The following STMN2 variants were observed in gnomAD, a reference collection of about 807,000 sequenced individuals.
STMN2 encodes the protein stathmin 2, also known as stathmin-2.
A neutral mutation model predicts 24.1 loss-of-function variants in STMN2; 2 were observed. That is an observed-to-expected ratio of 0.08 (90% confidence interval 0.03 to 0.26). The LOEUF is 0.26. STMN2 is among the 10% of genes least tolerant of loss of function. STMN2 has a pLI of 1.00. For synonymous variants in STMN2, 83 were observed against 77.5 expected (o/e 1.07, Z -0.37); for missense variants, 114 against 213.6 (o/e 0.53, Z 2.91).
At position 79,631,706 on chromosome 8, in the gene STMN2, G is replaced by A. The variant is rs559359944; in HGVS notation, c.20-5096G>A. Among the ~76,000 whole-genome samples the A allele has an allele frequency of 3.9e-5, 6 of 152,202 alleles. No individual in the cohort carries two copies. In the South Asian group the frequency reaches 1.2e-3, roughly 32 times the overall value. On this transcript the variant is annotated intron_variant, in intron 1 of 4. Coordinates refer to ENST00000220876, the MANE Select transcript of STMN2 (RefSeq NM_007029.4). ...TTTTGTCTTTGAAGAAGATCACAGG[G>A]ATGGACCTCCCAAAAGGATTTTTAA...
intron 1 of STMN2, chr8:79,613,769 T>TGGGCCGGGCGCGGTGGCTCACGC (rs1809309598): frequency 1.0e-6 from 1 of 985,336 alleles, no homozygotes; most frequent in African/African-American, 1.7e-5. Flanking sequence ...GGTAAATTTG[T>TGGGCCGGGCGCGGTGGCTCACGC]CTCCAGTTGT....
At chr8:79,652,258 T>G (rs141139554) in intron 3 of STMN2, among the ~76,000 whole-genome samples, 161 of 152,364 alleles carry the variant, frequency 1.1e-3, no homozygotes, top group African/African-American at 3.5e-3. Context: ...TTCCTAATTC[T>G]TGGACACATT....
intron 3 of STMN2, among the ~76,000 whole-genome samples, chr8:79,645,859 A>G (rs1810206021): frequency 6.6e-6 from 1 of 152,160 alleles, no homozygotes; most frequent in Non-Finnish European, 1.5e-5. Flanking sequence ...TTAGTAAGTA[A>G]TTAGTATTTA....
At chr8:79,629,948 C>CG (rs1213604230) in intron 1 of STMN2, among the ~76,000 whole-genome samples, 1 of 152,126 alleles carries the variant, frequency 6.6e-6, no homozygotes, top group East Asian at 1.9e-4. Context: ...TACCAGCCTA[C>CG]GGAAGTAGAG....
rs183744797 is a variant in STMN2, at chr8:79,665,006, A to C, written c.*132A>C. 172 of 813,864 alleles carry C rather than the reference A, an allele frequency of 2.1e-4. 1 individual carries two copies. In the African/African-American group the frequency reaches 2.8e-3, roughly 13 times the overall value. The allele number at this position is 813,864 out of a possible 1,614,324, so 50.4% of individuals were successfully genotyped here. ...ACTCATTATAAAAAAAAAAAAACAAAAAAAATCAAAAATTAAAAAAAATCA... is the reference window on the plus strand; with the variant it reads ...ACTCATTATAAAAAAAAAAAAACAACAAAAATCAAAAATTAAAAAAAATCA... On this transcript the variant is annotated 3_prime_UTR_variant, in exon 5 of 5. Transcript: ENST00000220876.
At chr8:79,612,104 G>C (rs1479544489) in intron 1 of STMN2, among the ~76,000 whole-genome samples, 8 of 93,458 alleles carry the variant, frequency 8.6e-5, no homozygotes, top group Admixed American at 1.4e-4. Flanking sequence ...TCATTCGAAA[G>C]GGGGTCGGGT....
chr8:79,656,880 G>GTTTGTTTTTTTTT (rs1806384128), intron 4 of STMN2, among the ~76,000 whole-genome samples: 1 of 143,472 alleles, frequency 7.0e-6, no homozygotes, highest in Non-Finnish European at 1.6e-5. Flanking sequence ...TTTTTTGTTT[G>GTTTGTTTTTTTTT]TTTGTTTTTT....
chr8:79,658,559 G>C (rs1806428395), intron 4 of STMN2, among the ~76,000 whole-genome samples: 1 of 152,110 alleles, frequency 6.6e-6, no homozygotes, highest in Middle Eastern at 3.2e-3. Flanking sequence ...AATAATATCA[G>C]TAAAAGTAAA....
chr8:79,666,085 T>C lies in STMN2; in HGVS notation c.*1211T>C, dbSNP rs1272814301. The C allele has an allele frequency of 6.6e-6, 1 of 152,202 alleles. No homozygotes were observed. 9.4% of individuals were successfully genotyped at this position (152,202 alleles called of 1,614,324 possible). ...AGGTTGCTGCCTGCATATTTACTCT[T>C]CATTAGTGCTATTTTCCTGTATGTC... On this transcript the variant is annotated 3_prime_UTR_variant, in exon 5 of 5. Coordinates refer to ENST00000220876, the MANE Select transcript of STMN2 (RefSeq NM_007029.4).
At chr8:79,637,368 C>T (rs908021883) in intron 2 of STMN2, among the ~76,000 whole-genome samples, 2 of 152,076 alleles carry the variant, frequency 1.3e-5, no homozygotes, top group Non-Finnish European at 2.9e-5. Flanking sequence ...ATAATTGGCT[C>T]AATAAATAAA....
chr8:79,653,141 GC>G (rs1810371396), intron 3 of STMN2, among the ~76,000 whole-genome samples: 1 of 152,094 alleles, frequency 6.6e-6, no homozygotes, highest in African/African-American at 2.4e-5. Flanking sequence ...ACTTTGGGAG[GC>G]CGAGGCGGGT....
At chr8:79,658,613 C>T (rs1233930231) in intron 4 of STMN2, among the ~76,000 whole-genome samples, 3 of 151,954 alleles carry the variant, frequency 2.0e-5, no homozygotes, top group Non-Finnish European at 4.4e-5. Context: ...CTTATGATAG[C>T]CCTCACTGGC....
In STMN2 at chr8:79,655,017, C is replaced by T. The variant is rs781738820; in HGVS notation, c.435C>T (p.Asn145=). 3.7e-6 allele frequency: 6 copies of T among 1,613,864 alleles called. No homozygotes were observed. The highest frequency in any genetic ancestry group is 2.2e-5 in the South Asian group (2 of 91,078). Residue 145 remains asparagine (N), a synonymous_variant, in exon 4 of 5, where the codon AAC becomes AAT. Coordinates refer to ENST00000220876, the MANE Select transcript of STMN2 (RefSeq NM_007029.4). ...TGAAAATGGAACAAATTAAGGAAAA[C>T]CGTGAGGCTAATCTAGCTGCTATTA... The part of the protein sequence containing the change: ...LILKMEQIKE[N]REANLAAIIE...
intron 4 of STMN2, among the ~76,000 whole-genome samples, chr8:79,657,266 C>G (rs891998617): frequency 1.3e-5 from 2 of 152,136 alleles, no homozygotes; most frequent in African/African-American, 4.8e-5. Context: ...TTTAACGGAC[C>G]ATTTTTTTCC....
chr8:79,664,409 G>A (rs1013911262), intron 4 of STMN2, among the ~76,000 whole-genome samples: 52 of 152,260 alleles, frequency 3.4e-4, no homozygotes, highest in Non-Finnish European at 1.8e-4. Flanking sequence ...GAAAGTCTTC[G>A]TCCTGGATCT....
intron 1 of STMN2, among the ~76,000 whole-genome samples, chr8:79,620,776 C>G (rs1809498442): frequency 6.6e-6 from 1 of 152,054 alleles, no homozygotes; most frequent in Admixed American, 6.6e-5. Context: ...CCAGAGAATT[C>G]TTTAATTAAA....
At chr8:79,613,489 A>G (rs1809300924) in intron 1 of STMN2, 2 of 985,502 alleles carry the variant, frequency 2.0e-6, no homozygotes, top group Non-Finnish European at 2.4e-6. Flanking sequence ...TCGCACGTCC[A>G]GAAAGGTTCT....
chr8:79,625,229 C>G (rs1038806825), intron 1 of STMN2, among the ~76,000 whole-genome samples: 5 of 152,084 alleles, frequency 3.3e-5, no homozygotes, highest in African/African-American at 1.2e-4. Flanking sequence ...ATAGACTTTT[C>G]TCTTATACCC....
At chr8:79,663,943 A>G (rs1008256333) in intron 4 of STMN2, among the ~76,000 whole-genome samples, 1 of 152,176 alleles carries the variant, frequency 6.6e-6, no homozygotes, top group Non-Finnish European at 1.5e-5. Flanking sequence ...CACCAATTAC[A>G]TGCTATCTGC....
Sources: allele counts gnomAD v4.1 joint callset (sites outside exome capture counted in the v4.1 genomes callset), GRCh38; gene constraint gnomAD v4.1.1; transcripts MANE v1.5; gene names NCBI Gene and HGNC (gene_info 2026-07-23, HGNC 2026-07-21).